Variants in BICDL1 observed in about 807,000 individuals in gnomAD.
The protein encoded by BICDL1 is BICD family-like cargo adapter 1.
In BICDL1, 20 loss-of-function variants were observed where a neutral mutation model predicts 76.8. The observed-to-expected ratio is 0.26, with a 90% CI of 0.18 to 0.38. The LOEUF (loss-of-function observed/expected upper bound fraction) is 0.38, where lower values mean the gene tolerates loss of function less well. Ranked by LOEUF, BICDL1 falls within the 10% of genes least tolerant of loss-of-function variation. BICDL1 has a pLI of 1.00. For synonymous variants in BICDL1, 383 were observed against 337.1 expected (o/e 1.14, Z -1.49); for missense variants, 700 against 798.6 (o/e 0.88, Z 1.49).
intron 9 of BICDL1, chr12:120,092,228 G>A: frequency 1.0e-6 from 1 of 985,460 alleles, no homozygotes; most frequent in Admixed American, 6.1e-5. Flanking sequence ...GCTTCTCTAT[G>A]GGAAAGGCTG....
chr12:120,075,287 C>G (rs994145393), intron 7 of BICDL1, among the ~76,000 whole-genome samples: 3 of 152,180 alleles, frequency 2.0e-5, no homozygotes, highest in Non-Finnish European at 4.4e-5. Context: ...TGCTCCTGCC[C>G]CTGTCCTTTC....
At chr12:120,003,741 C>G (rs1246676537) in intron 2 of BICDL1, among the ~76,000 whole-genome samples, 1 of 152,208 alleles carries the variant, frequency 6.6e-6, no homozygotes, top group Non-Finnish European at 1.5e-5. Flanking sequence ...TCTGCAGGTC[C>G]TTTTGCATTG....
At chr12:120,066,846 T>C (rs1722863864) in intron 4 of BICDL1, among the ~76,000 whole-genome samples, 1 of 152,244 alleles carries the variant, frequency 6.6e-6, no homozygotes, top group South Asian at 2.1e-4. Flanking sequence ...AGGTAGCAGC[T>C]GAATGATCCT....
chr12:119,992,826 T>A (rs1951552676), intron 1 of BICDL1: 1 of 152,228 alleles, frequency 6.6e-6, no homozygotes, highest in Non-Finnish European at 1.5e-5. Context: ...CACATTTTCT[T>A]ACAGGGTGGT....
At chr12:120,045,011 G>A (rs201562649) in intron 2 of BICDL1, among the ~76,000 whole-genome samples, 48 of 151,926 alleles carry the variant, frequency 3.2e-4, no homozygotes, top group Non-Finnish European at 5.6e-4. Context: ...GAAAATTTTC[G>A]CAACCTACTC....
intron 2 of BICDL1, among the ~76,000 whole-genome samples, chr12:120,056,458 C>T (rs1462666061): frequency 5.3e-5 from 8 of 152,184 alleles, no homozygotes; most frequent in African/African-American, 1.9e-4. Context: ...CAGTGGCTCA[C>T]GCCTGTAATC....
chr12:120,062,573 A>G (rs1420739439), intron 3 of BICDL1, among the ~76,000 whole-genome samples: 2 of 152,170 alleles, frequency 1.3e-5, no homozygotes, highest in African/African-American at 4.8e-5. Context: ...GTAACCTTCC[A>G]CTGTGACGAA....
intron 2 of BICDL1, among the ~76,000 whole-genome samples, chr12:120,014,347 A>C (rs1190064455): frequency 6.6e-6 from 1 of 152,206 alleles, no homozygotes; most frequent in African/African-American, 2.4e-5. Context: ...CATCGGATTG[A>C]GGCATCTTTC....
At position 120,079,050 on chromosome 12, in the gene BICDL1, T is replaced by G. The variant is rs1594208450; in HGVS notation, c.1453-1837T>G. Among the ~76,000 whole-genome samples, 1 of 152,246 alleles carries G rather than the reference T, an allele frequency of 6.6e-6. No individual in the cohort carries two copies. The highest frequency in any genetic ancestry group is 6.5e-5 in the Admixed American group (1 of 15,290). On this transcript the variant is annotated intron_variant, in intron 7 of 9. Transcript: ENST00000548673. The surrounding 1 kb of genome is among the most constrained non-coding windows in gnomAD (Gnocchi z 4.3). ...CATGTGTGTGCTGGGTAGCTGCAGG[T>G]GCTCCAGCCTGTTCTTCCCCGAGGC... is the stretch of plus-strand genomic sequence containing the variant.
chr12:120,053,419 G>T (rs1366241756), intron 2 of BICDL1, among the ~76,000 whole-genome samples: 1 of 152,194 alleles, frequency 6.6e-6, no homozygotes, highest in Non-Finnish European at 1.5e-5. Flanking sequence ...CTGTAAGGGA[G>T]AAGAGCCCTT....
intron 2 of BICDL1, among the ~76,000 whole-genome samples, chr12:120,041,177 A>G (rs1220149174): frequency 1.3e-5 from 2 of 152,230 alleles, no homozygotes; most frequent in African/African-American, 4.8e-5. Context: ...GAGAGGGAGG[A>G]GAAAGATTTT....
In BICDL1 at chr12:120,064,774, T is replaced by C; in HGVS notation, c.804T>C (p.Arg268=). ...ATCGGAAACGGGAGCTGGAGCATCG[T>C]CTCAGCGCTACTTTAGAGGAAAATG... is the stretch of plus-strand genomic sequence containing the variant. ...LSDRKRELEH[R]LSATLEENDL... Residue 268 remains arginine (R), a synonymous_variant, in exon 4 of 10, where the codon CGT becomes CGC. Coordinates refer to ENST00000548673, the MANE Select transcript of BICDL1 (RefSeq NM_001367886.1). The C allele has an allele frequency of 6.2e-7, 1 of 1,613,562 alleles. No individual in the cohort carries two copies. Among genetic ancestry groups the C allele is most frequent in the Non-Finnish European group, 8.5e-7 (1 of 1,179,784 alleles).
intron 2 of BICDL1, among the ~76,000 whole-genome samples, chr12:120,030,511 G>A (rs1384279906): frequency 6.6e-6 from 1 of 152,130 alleles, no homozygotes; most frequent in African/African-American, 2.4e-5. Context: ...AAAAAAATGT[G>A]CATTTCCGTG....
chr12:120,028,567 T>C (rs1952356519), intron 2 of BICDL1, among the ~76,000 whole-genome samples: 1 of 152,090 alleles, frequency 6.6e-6, no homozygotes, highest in South Asian at 2.1e-4. Context: ...TCCTAGCCAC[T>C]CTGGAGGCTG....
At chr12:120,052,031 C>A (rs1321840730) in intron 2 of BICDL1, among the ~76,000 whole-genome samples, 1 of 152,070 alleles carries the variant, frequency 6.6e-6, no homozygotes, top group Non-Finnish European at 1.5e-5. Context: ...ACCTCTGCCT[C>A]CCCGGTTCAT....
chr12:120,052,257 C>A (rs1407107467), intron 2 of BICDL1, among the ~76,000 whole-genome samples: 1 of 150,416 alleles, frequency 6.6e-6, no homozygotes, highest in African/African-American at 2.5e-5. Context: ...CGCCCCTCCC[C>A]TCCCCTTCTC....
At chr12:120,034,991 A>G (rs976134905) in intron 2 of BICDL1, among the ~76,000 whole-genome samples, 3 of 152,228 alleles carry the variant, frequency 2.0e-5, no homozygotes, top group Non-Finnish European at 4.4e-5. Flanking sequence ...GTTATGCACA[A>G]AGAAGATACT....
intron 2 of BICDL1, among the ~76,000 whole-genome samples, chr12:120,028,456 C>T (rs1292958660): frequency 6.6e-6 from 1 of 152,124 alleles, no homozygotes; most frequent in Non-Finnish European, 1.5e-5. Flanking sequence ...AGGCAGATCA[C>T]TTGAGGTCAG....
intron 8 of BICDL1, among the ~76,000 whole-genome samples, chr12:120,086,492 G>T (rs996761523): frequency 1.2e-4 from 18 of 152,142 alleles, no homozygotes; most frequent in Non-Finnish European, 1.5e-5. Flanking sequence ...ACGGGGTGGG[G>T]TCAGTTGGGT....
Sources: gnomAD v4.1 joint callset for allele counts (sites outside exome capture counted in the v4.1 genomes callset) on GRCh38, gnomAD v4.1.1 for gene constraint, Gnocchi (gnomAD v3.1) non-coding constraint, MANE v1.5 for transcripts, NCBI Gene and HGNC (gene_info 2026-07-23, HGNC 2026-07-21) for gene names.